The following UBE3D variants were observed in gnomAD, a reference collection of about 807,000 sequenced individuals.
UBE3D encodes the protein ubiquitin protein ligase E3D, also known as E3 ubiquitin-protein ligase E3D.
Under a neutral mutation model 49.6 loss-of-function variants are expected in UBE3D, and 48 were observed. The ratio of observed to expected loss-of-function variants is 0.97; its 90% CI spans 0.77 to 1.23. The LOEUF (loss-of-function observed/expected upper bound fraction) is 1.23, where lower values mean the gene tolerates loss of function less well. Ranked by LOEUF, UBE3D falls within the 50% of genes most tolerant of loss-of-function variation. The probability of loss-of-function intolerance (pLI) is 0.00; values close to 1 mark genes in which losing one functional copy is unlikely to be tolerated. For synonymous variants in UBE3D, 189 were observed against 174.2 expected (o/e 1.08, Z -0.67); for missense variants, 452 against 468.4 (o/e 0.96, Z 0.32).
intron 1 of UBE3D, among the ~76,000 whole-genome samples, chr6:83,060,049 C>A (rs1784071670): frequency 6.6e-6 from 1 of 152,082 alleles, no homozygotes; most frequent in African/African-American, 2.4e-5. Flanking sequence ...TATAAGGACA[C>A]TAATCTCATC....
At chr6:82,954,665 A>G (rs1776035967) in intron 9 of UBE3D, among the ~76,000 whole-genome samples, 1 of 152,214 alleles carries the variant, frequency 6.6e-6, no homozygotes, top group South Asian at 2.1e-4. Flanking sequence ...AATGTGCATG[A>G]AAGTGAATTT....
At chr6:82,943,334 C>A (rs1480533750) in intron 9 of UBE3D, among the ~76,000 whole-genome samples, 1 of 152,180 alleles carries the variant, frequency 6.6e-6, no homozygotes, top group Non-Finnish European at 1.5e-5. Flanking sequence ...CAAAAAAGCA[C>A]CTTCTTAAGA....
chr6:83,014,785 C>T (rs986023788), intron 8 of UBE3D, among the ~76,000 whole-genome samples: 3 of 152,102 alleles, frequency 2.0e-5, no homozygotes, highest in African/African-American at 4.8e-5. Flanking sequence ...CAAGGGGACC[C>T]GGACTCCCCT....
chr6:82,974,472 C>A (rs566409419), intron 8 of UBE3D, among the ~76,000 whole-genome samples: 26 of 152,290 alleles, frequency 1.7e-4, no homozygotes, highest in African/African-American at 5.5e-4. Flanking sequence ...CTTGAGATTA[C>A]TTATAATACC....
chr6:82,949,207 G>A (rs1020494908), intron 9 of UBE3D, among the ~76,000 whole-genome samples: 1 of 151,826 alleles, frequency 6.6e-6, no homozygotes, highest in African/African-American at 2.4e-5. Context: ...AAATCACTAG[G>A]ATTTCCATAG....
chr6:82,904,389 T>G (rs9449560), intron 9 of UBE3D, among the ~76,000 whole-genome samples: 152,281 of 152,302 alleles, frequency 1, 76,130 homozygotes, highest in Middle Eastern at 1. Flanking sequence ...GTGTAAGAAG[T>G]CAGCAGTTTG....
chr6:82,989,859 G>A (rs1429626861), intron 8 of UBE3D, among the ~76,000 whole-genome samples: 1 of 152,134 alleles, frequency 6.6e-6, no homozygotes, highest in Non-Finnish European at 1.5e-5. Context: ...AGGCCTCACT[G>A]CCCTGCTTCC....
chr6:83,024,035 G>C lies in UBE3D; in HGVS notation c.671C>G (p.Thr224Ser), dbSNP rs1488426904. 6.6e-7 allele frequency: 1 copy of C among 1,515,070 alleles called. No individual in the cohort carries two copies. The highest frequency in any genetic ancestry group is 8.8e-7 in the Non-Finnish European group (1 of 1,135,200). 93.9% of individuals were successfully genotyped at this position (1,515,070 alleles called of 1,614,324 possible). The stretch of plus-strand genomic sequence containing the variant: ...TATCTCTGTCATATAAAACTTGGTG[G>C]TTTCTAGAAACAAAAAAGAAAATTA... Reference protein sequence around the residue: ...VMLGETVSSETTKFYMTEIII... With the variant: ...VMLGETVSSESTKFYMTEIII... Residue 224 changes from threonine (T) to serine (S), a missense_variant, in exon 6 of 10, where the codon ACC becomes AGC. Thr to Ser is a moderately conservative substitution (Grantham distance 58, BLOSUM62 1). Transcript: ENST00000369747.
intron 9 of UBE3D, among the ~76,000 whole-genome samples, chr6:82,917,957 C>G (rs188012687): frequency 6.6e-6 from 1 of 152,188 alleles, no homozygotes; most frequent in African/African-American, 2.4e-5. Flanking sequence ...TTCTTAAACT[C>G]TACTTCCTTT....
In UBE3D at chr6:82,917,301, G is replaced by C. The variant is rs576153361; in HGVS notation, c.1150-24259C>G. Among the ~76,000 whole-genome samples the C allele has an allele frequency of 1.8e-4, 27 of 152,222 alleles. No homozygotes were observed. In the East Asian group the frequency reaches 5.0e-3, roughly 28 times the overall value. ...GCAGATAGCTAGACATGAACAGGAG[G>C]GGGAAGCCCCTGAGAAAAGAAGGTC... On this transcript the variant is annotated intron_variant, in intron 9 of 9. Transcript: ENST00000369747.
chr6:82,993,121 GGAGAGA>G (rs376760223), intron 8 of UBE3D, among the ~76,000 whole-genome samples: 4 of 149,814 alleles, frequency 2.7e-5, no homozygotes, highest in African/African-American at 7.3e-5. Context: ...GGGTCGGGGG[GGAGAGA>G]GAGAGAGAGA....
chr6:82,967,062 A>C (rs1776992033), intron 8 of UBE3D, among the ~76,000 whole-genome samples: 1 of 152,146 alleles, frequency 6.6e-6, no homozygotes, highest in African/African-American at 2.4e-5. Flanking sequence ...GGGAAAATCA[A>C]GCCCCACATG....
Position 83,054,236 on chromosome 6 carries a change from G to T in UBE3D, c.277C>A (p.Leu93Met), listed in dbSNP as rs760548165. The change falls in exon 3 of 10, where the codon CTG becomes ATG. Residue 93 changes from leucine (L) to methionine (M), a missense_variant and splice_region_variant. Transcript: ENST00000369747. ...LQTQAKLGTK[L>M]ISMFNQSSQT... ...GAGCTTTGATTAAACATTGAAATCA[G>T]TTCTAAAGGAAGTCAATGAAATAGC... is the stretch of plus-strand genomic sequence containing the variant. The T allele has an allele frequency of 3.1e-6, 5 of 1,612,534 alleles. No homozygotes were observed. Among genetic ancestry groups the T allele is most frequent in the Non-Finnish European group, 4.2e-6 (5 of 1,178,724 alleles).
intron 3 of UBE3D, among the ~76,000 whole-genome samples, chr6:83,046,119 A>G (rs1380547541): frequency 6.6e-6 from 1 of 152,348 alleles, no homozygotes; most frequent in East Asian, 1.9e-4. Flanking sequence ...GCTAATCTTG[A>G]TAACTTCGTT....
intron 8 of UBE3D, among the ~76,000 whole-genome samples, chr6:82,984,427 T>C (rs1778321399): frequency 1.3e-5 from 2 of 152,174 alleles, no homozygotes; most frequent in South Asian, 2.1e-4. Flanking sequence ...TTCCTAGAAA[T>C]GGAATTGCTC....
At chr6:83,057,761 G>GA (rs1364303532) in intron 2 of UBE3D, 65 bp downstream of exon 2, 3 of 1,540,788 alleles carry the variant, frequency 1.9e-6, no homozygotes, top group African/African-American at 2.7e-5. Context: ...CTTATCAAAG[G>GA]AAAAATCACC....
At chr6:83,045,257 G>C (rs1782953005) in intron 3 of UBE3D, among the ~76,000 whole-genome samples, 1 of 151,710 alleles carries the variant, frequency 6.6e-6, no homozygotes, top group Non-Finnish European at 1.5e-5. Context: ...TTTTCAGAAA[G>C]GCTGTGCCAA....
At position 83,042,109 on chromosome 6, in the gene UBE3D, C is replaced by T. The variant is rs965015646; in HGVS notation, c.597+2319G>A. On this transcript the variant is annotated intron_variant, in intron 4 of 9. Transcript: ENST00000369747. The stretch of plus-strand genomic sequence containing the variant: ...TAGTTTAGGAGAGACAGGGTTTCAC[C>T]ATGTTGGCCAGGATGGTCTCAATCT... Among the ~76,000 whole-genome samples the T allele has an allele frequency of 7.9e-4, 120 of 152,092 alleles. 1 individual carries two copies. Among genetic ancestry groups the T allele is most frequent in the Non-Finnish European group, 1.6e-3 (106 of 68,018 alleles).
Position 82,913,835 on chromosome 6 carries a change from C to T in UBE3D, c.1150-20793G>A, listed in dbSNP as rs1031087309. Among the ~76,000 whole-genome samples, 109 of 152,300 alleles carry T rather than the reference C, an allele frequency of 7.2e-4. 1 individual carries two copies. Among genetic ancestry groups the T allele is most frequent in the Middle Eastern group, 3.4e-3 (1 of 294 alleles). On this transcript the variant is annotated intron_variant, in intron 9 of 9. Coordinates refer to ENST00000369747, the MANE Select transcript of UBE3D (RefSeq NM_198920.3). ...ATATAAGTATGTCAATATTGACCTG[C>T]TTATCAACTACAACATTCACATCTA...
Sources: gnomAD v4.1 joint callset for allele counts (sites outside exome capture counted in the v4.1 genomes callset) on GRCh38, gnomAD v4.1.1 for gene constraint, MANE v1.5 for transcripts, NCBI Gene and HGNC (gene_info 2026-07-23, HGNC 2026-07-21) for gene names.